THRAP3: variants seen among roughly 807,000 people sequenced by gnomAD.
The protein encoded by THRAP3 is thyroid hormone receptor associated protein 3, also known as thyroid hormone receptor-associated protein 3.
THRAP3 carries 16 observed loss-of-function variants against 101.0 expected under a neutral mutation model. The ratio of observed to expected loss-of-function variants is 0.16; its 90% confidence interval spans 0.11 to 0.24. THRAP3 has a LOEUF of 0.24. Among genes scored for constraint, THRAP3 ranks in the 10% least tolerant of loss-of-function variants. The pLI is 1.00. For missense variants in THRAP3, 989 were observed against 1,202.7 expected (o/e 0.82, Z 2.63); for synonymous variants, 407 against 422.6 (o/e 0.96, Z 0.45).
At chr1:36,301,490 G>C (rs1646029740) in intron 10 of THRAP3, 63 bp from the exon 11 acceptor site, 1 of 1,570,004 alleles carries the variant, frequency 6.4e-7, no homozygotes, top group East Asian at 2.2e-5. Flanking sequence ...ACAAAAAGCA[G>C]GGGGGTTTGT....
At chr1:36,232,286 C>T (rs1303609843) in intron 1 of THRAP3, among the ~76,000 whole-genome samples, 1 of 152,062 alleles carries the variant, frequency 6.6e-6, no homozygotes. Context: ...TTTACATAGC[C>T]TTGCTTTGTA....
the THRAP3 span, among the ~76,000 whole-genome samples, chr1:36,211,197 TA>T: frequency 8.3e-3 from 1,175 of 141,996 alleles, 5 homozygotes; most frequent in Middle Eastern, 0.033. Flanking sequence ...CTGTCACTAT[TA>T]AAAAAAAAAA....
At position 36,289,727 on chromosome 1, in the gene THRAP3, A is replaced by G. The variant is rs368001369; in HGVS notation, c.1708A>G (p.Asn570Asp). Residue 570 changes from asparagine (N) to aspartate (D), a missense_variant, in exon 5 of 12, where the codon AAT (asparagine) becomes GAT (aspartate). By Grantham distance (23) the Asn-to-Asp change is conservative. Coordinates refer to ENST00000354618, the MANE Select transcript of THRAP3 (RefSeq NM_005119.4). ...SFSITREAQV[N>D]VRMDSFDEDL... ...TTCCATTACTCGAGAGGCACAGGTC[A>G]ATGTCCGGATGGACTCTTTTGATGA... 50 of 1,613,104 alleles carry G rather than the reference A, an allele frequency of 3.1e-5. No individual in the cohort carries two copies. The highest frequency in any genetic ancestry group is 4.1e-5 in the Non-Finnish European group (48 of 1,179,626).
At chr1:36,228,802 G>C (rs1644991818) in intron 1 of THRAP3, among the ~76,000 whole-genome samples, 1 of 152,156 alleles carries the variant, frequency 6.6e-6, no homozygotes, top group African/African-American at 2.4e-5. Context: ...AAAAAGTTAA[G>C]AAACAATGTT....
intron 1 of THRAP3, among the ~76,000 whole-genome samples, chr1:36,254,429 G>A (rs563438199): frequency 6.6e-6 from 1 of 152,292 alleles, no homozygotes; most frequent in African/African-American, 2.4e-5. Flanking sequence ...CCTTAAAAGG[G>A]TAACATCAAC....
intron 2 of THRAP3, among the ~76,000 whole-genome samples, chr1:36,277,812 C>T (rs989764833): frequency 7.9e-5 from 12 of 151,976 alleles, no homozygotes; most frequent in Non-Finnish European, 1.2e-4. Flanking sequence ...CAAGCTGGAT[C>T]GCAATGGCAC....
intron 9 of THRAP3, among the ~76,000 whole-genome samples, chr1:36,298,516 G>T (rs1237667444): frequency 6.6e-6 from 1 of 151,742 alleles, no homozygotes; most frequent in African/African-American, 2.4e-5. Flanking sequence ...TATTTTTTTG[G>T]ACGATCTTGC....
At chr1:36,288,098 A>G (rs1218083990) in intron 4 of THRAP3, 1 of 984,836 alleles carries the variant, frequency 1.0e-6, no homozygotes, top group African/African-American at 1.7e-5. Context: ...CATTAATGGT[A>G]CAGATGAGAT....
At chr1:36,226,416 C>T (rs538777631) in intron 1 of THRAP3, among the ~76,000 whole-genome samples, 483 of 152,260 alleles carry the variant, frequency 3.2e-3, no homozygotes, top group Non-Finnish European at 4.8e-3. Flanking sequence ...TGTGTCACCA[C>T]GCCTGGCTCA....
intron 2 of THRAP3, among the ~76,000 whole-genome samples, chr1:36,266,553 G>C (rs1645516858): frequency 6.6e-6 from 1 of 152,172 alleles, no homozygotes; most frequent in Non-Finnish European, 1.5e-5. Context: ...GATATGAGCA[G>C]AAACTAATTC....
chr1:36,286,033 A>G lies in THRAP3; in HGVS notation c.138-335A>G, dbSNP rs1477023542. On this transcript the variant is annotated intron_variant, in intron 3 of 11. Coordinates refer to ENST00000354618, the MANE Select transcript of THRAP3 (RefSeq NM_005119.4). This position sits in a 1 kb window ranked among gnomAD's most constrained non-coding sequence, Gnocchi z 5.5. ...CCCCGTGCCTGTGAAACTGTAAGCT[A>G]TTATTATGGTATATTAAAATGGTCT... 1.3e-5 allele frequency among the ~76,000 whole-genome samples: 2 copies of G among 152,172 alleles called. No homozygotes were observed. Among genetic ancestry groups the G allele is most frequent in the South Asian group, 2.1e-4 (1 of 4,830 alleles).
In THRAP3 at chr1:36,304,167, C is replaced by A; in HGVS notation, c.*150C>A. The A allele has an allele frequency of 4.0e-6, 5 of 1,237,326 alleles. No homozygotes were observed. Among genetic ancestry groups the A allele is most frequent in the Non-Finnish European group, 5.4e-6 (5 of 925,416 alleles). 76.6% of individuals were successfully genotyped at this position (1,237,326 alleles called of 1,614,324 possible). ...CAGATTGTACTACCGCGAGAGGCAT[C>A]CCTGGCGCTGTCTCCCACTGGACAG... On this transcript the variant is annotated 3_prime_UTR_variant, in exon 12 of 12. Coordinates refer to ENST00000354618, the MANE Select transcript of THRAP3 (RefSeq NM_005119.4).
chr1:36,222,690 TG>T (rs1644910560), upstream of THRAP3, among the ~76,000 whole-genome samples: 1 of 152,028 alleles, frequency 6.6e-6, no homozygotes, highest in African/African-American at 2.4e-5. Context: ...ATTACCGGCG[TG>T]AGCCACCGCG....
At chr1:36,276,933 A>G (rs1175787676) in intron 2 of THRAP3, among the ~76,000 whole-genome samples, 2 of 152,192 alleles carry the variant, frequency 1.3e-5, no homozygotes, top group Non-Finnish European at 2.9e-5. Flanking sequence ...CATACATCCA[A>G]TAAGGGACTT....
At chr1:36,250,342 T>C (rs1377524348) in intron 1 of THRAP3, among the ~76,000 whole-genome samples, 1 of 151,710 alleles carries the variant, frequency 6.6e-6, no homozygotes, top group Non-Finnish European at 1.5e-5. Flanking sequence ...GCCTCCCAAG[T>C]AGCTGGTACT....
Position 36,286,084 on chromosome 1 carries a change from A to T in THRAP3, c.138-284A>T, listed in dbSNP as rs1426031372. Reference sequence around the variant, plus strand: ...TTGTGTGGTTTACTACCTTAAGAAAATGTTGATAGTTTTTCAGTCACTGTA... The same window carrying T: ...TTGTGTGGTTTACTACCTTAAGAAATTGTTGATAGTTTTTCAGTCACTGTA... On this transcript the variant is annotated intron_variant, in intron 3 of 11. Transcript: ENST00000354618. This position sits in a 1 kb window ranked among gnomAD's most constrained non-coding sequence, Gnocchi z 5.5. 1.3e-5 allele frequency among the ~76,000 whole-genome samples: 2 copies of T among 152,218 alleles called. No individual in the cohort carries two copies. The highest frequency in any genetic ancestry group is 2.9e-5 in the Non-Finnish European group (2 of 68,038).
chr1:36,289,672 A>G lies in THRAP3; in HGVS notation c.1653A>G (p.Lys551=). 6.2e-7 allele frequency: 1 copy of G among 1,614,196 alleles called. No homozygotes were observed. Among genetic ancestry groups the G allele is most frequent in the Admixed American group, 1.7e-5 (1 of 60,018 alleles). The change falls in exon 5 of 12, where the codon AAA becomes AAG. Residue 551 remains lysine, a synonymous_variant. Transcript: ENST00000354618. ...AGAGCCGAGACAAGCTGGGAGCGAA[A>G]GGAGATTTTCCCACAGGAAAGTCTT... ...TSESRDKLGA[K]GDFPTGKSSF... is the part of the protein sequence containing the mutation.
chr1:36,271,939 A>C (rs1645597935), intron 2 of THRAP3, among the ~76,000 whole-genome samples: 1 of 151,956 alleles, frequency 6.6e-6, no homozygotes, highest in Admixed American at 6.6e-5. Flanking sequence ...CATGTTGGCC[A>C]GGCTGGTCTG....
chr1:36,270,404 C>T lies in THRAP3; in HGVS notation c.-32+10920C>T, dbSNP rs985517917. Reference sequence around the variant, plus strand: ...AGTGAGACCCTGACACACACACACACGCACACAGGCACACGCACACGCACG... The same window carrying T: ...AGTGAGACCCTGACACACACACACATGCACACAGGCACACGCACACGCACG... On this transcript the variant is annotated intron_variant, in intron 2 of 11. Transcript: ENST00000354618. 2.6e-5 allele frequency among the ~76,000 whole-genome samples: 4 copies of T among 151,968 alleles called. No homozygotes were observed. In the South Asian group the frequency reaches 8.3e-4, roughly 32 times the overall value.
Sources: allele counts gnomAD v4.1 joint callset (sites outside exome capture counted in the v4.1 genomes callset), GRCh38; gene constraint gnomAD v4.1.1; non-coding constraint Gnocchi (gnomAD v3.1); transcripts MANE v1.5; gene names NCBI Gene and HGNC (gene_info 2026-07-23, HGNC 2026-07-21).